The following TOX variants were observed in gnomAD, a reference collection of about 807,000 sequenced individuals.
TOX encodes the protein thymocyte selection associated high mobility group box.
A neutral mutation model predicts 53.7 loss-of-function variants in TOX; 11 were observed. The observed-to-expected ratio is 0.20, with a 90% CI of 0.13 to 0.34. The LOEUF is 0.34. TOX is among the 10% of genes least tolerant of loss of function. TOX has a pLI of 1.00. For synonymous variants in TOX, 225 were observed against 245.3 expected, an observed-to-expected ratio of 0.92 and a Z score of 0.77; for missense variants, 570 against 664.6, an observed-to-expected ratio of 0.86 and a Z score of 1.56.
chr8:58,987,861 T>G (rs1257704010), intron 1 of TOX, among the ~76,000 whole-genome samples: 2 of 152,188 alleles, frequency 1.3e-5, no homozygotes, highest in Admixed American at 6.5e-5. Flanking sequence ...CTCTGGGTGG[T>G]TCCCCACTCC....
intron 3 of TOX, among the ~76,000 whole-genome samples, chr8:58,902,029 T>G (rs941146741): frequency 3.3e-5 from 5 of 152,224 alleles, no homozygotes; most frequent in African/African-American, 4.8e-5. Context: ...ATTTCTGGTT[T>G]AATTTAAGCA....
Position 58,807,735 on chromosome 8 carries a change from G to T in TOX, c.*12C>A, listed in dbSNP as rs747657262. On this transcript the variant is annotated 3_prime_UTR_variant, in exon 9 of 9. Coordinates refer to ENST00000361421, the MANE Select transcript of TOX (RefSeq NM_014729.3). Reference sequence around the variant, plus strand: ...CTGAATTCCTCAGTGGAAAGAAGAGGTGTTCAGATTCTCAAGTAAGGTACA... The same window carrying T: ...CTGAATTCCTCAGTGGAAAGAAGAGTTGTTCAGATTCTCAAGTAAGGTACA... 1.2e-6 allele frequency: 2 copies of T among 1,614,056 alleles called. No individual in the cohort carries two copies. Among genetic ancestry groups the T allele is most frequent in the South Asian group, 2.2e-5 (2 of 91,076 alleles).
intron 3 of TOX, among the ~76,000 whole-genome samples, chr8:58,885,916 A>C (rs185732649): frequency 4.1e-4 from 62 of 152,250 alleles, no homozygotes; most frequent in African/African-American, 1.3e-3. Flanking sequence ...AATTCACAAC[A>C]ACAGGGGTTT....
intron 1 of TOX, among the ~76,000 whole-genome samples, chr8:59,075,714 G>A (rs995425228): frequency 5.3e-5 from 8 of 152,254 alleles, no homozygotes; most frequent in Admixed American, 4.6e-4. Context: ...CACAGTCATA[G>A]CTAAAACCTT....
In TOX at chr8:58,851,843, A is replaced by C; in HGVS notation, c.412-38T>G. On this transcript the variant is annotated intron_variant, in intron 3 of 8. Transcript: ENST00000361421. The surrounding 1 kb of genome is among the most constrained non-coding windows in gnomAD (Gnocchi z 4.4). ...AATAAATAAATAAATAAATAAATAA[A>C]TAAATAGGAAAGGAGTAATTTTAAC... The C allele has an allele frequency of 7.9e-7, 1 of 1,259,776 alleles. No homozygotes were observed. The highest frequency in any genetic ancestry group is 1.0e-6 in the Non-Finnish European group (1 of 989,642). The allele number at this position is 1,259,776 out of a possible 1,614,324, so 78.0% of individuals were successfully genotyped here. A position where few individuals can be genotyped will look rare whatever the true frequency, so the allele number is the denominator to read the frequency against.
At chr8:59,078,990 C>A (rs1804347394) in intron 1 of TOX, among the ~76,000 whole-genome samples, 1 of 152,146 alleles carries the variant, frequency 6.6e-6, no homozygotes, top group Non-Finnish European at 1.5e-5. Flanking sequence ...TTTTGTTCAT[C>A]CCCTAGGGAT....
At chr8:59,064,296 C>T (rs540666054) in intron 1 of TOX, among the ~76,000 whole-genome samples, 6 of 152,264 alleles carry the variant, frequency 3.9e-5, no homozygotes, top group South Asian at 2.1e-4. Context: ...CCTGGGTGAT[C>T]GTATAGTCCT....
chr8:58,867,129 T>C (rs2129169630), intron 3 of TOX, among the ~76,000 whole-genome samples: 1 of 152,298 alleles, frequency 6.6e-6, no homozygotes, highest in East Asian at 1.9e-4. Flanking sequence ...CTAATAGAAT[T>C]TTCCAGGAAC....
intron 1 of TOX, among the ~76,000 whole-genome samples, chr8:59,105,718 T>G (rs1428133660): frequency 6.6e-6 from 1 of 152,212 alleles, no homozygotes; most frequent in South Asian, 2.1e-4. Flanking sequence ...ATATTTAAAA[T>G]GACCCTGGTG....
At position 58,946,833 on chromosome 8, in the gene TOX, A is replaced by G. The variant is rs537014123; in HGVS notation, c.169-7289T>C. ...TCTGAGATACAAAGAACCGAAAGAC[A>G]CAGTTTGTGAAAAACATCAAAAGAT... On this transcript the variant is annotated intron_variant, in intron 2 of 8. Transcript: ENST00000361421. Among the ~76,000 whole-genome samples, 3 of 152,332 alleles carry G rather than the reference A, an allele frequency of 2.0e-5. No homozygotes were observed. In the South Asian group the frequency reaches 6.2e-4, roughly 32 times the overall value.
chr8:58,837,855 T>G (rs983156056), intron 5 of TOX, among the ~76,000 whole-genome samples: 1 of 152,216 alleles, frequency 6.6e-6, no homozygotes, highest in African/African-American at 2.4e-5. Flanking sequence ...CAAAAGTAAC[T>G]AAACTATATA....
chr8:59,069,288 A>C (rs1276159643), intron 1 of TOX, among the ~76,000 whole-genome samples: 5 of 152,188 alleles, frequency 3.3e-5, no homozygotes, highest in Admixed American at 6.5e-5. Flanking sequence ...AGCAATGAGG[A>C]TCCCTCCGTG....
intron 3 of TOX, among the ~76,000 whole-genome samples, chr8:58,906,961 C>T (rs1291522467): frequency 8.5e-5 from 13 of 152,196 alleles, no homozygotes; most frequent in Non-Finnish European, 1.5e-4. Flanking sequence ...TCATAAAATT[C>T]CTTCAGCCTG....
intron 1 of TOX, among the ~76,000 whole-genome samples, chr8:58,971,445 A>C (rs1813000794): frequency 6.6e-6 from 1 of 152,180 alleles, no homozygotes; most frequent in Admixed American, 6.5e-5. Context: ...CGAGAGTAAA[A>C]ATTGTTCTTG....
At position 58,857,808 on chromosome 8, in the gene TOX, C is replaced by T. The variant is rs73243078; in HGVS notation, c.412-6003G>A. Among the ~76,000 whole-genome samples, 867 of 152,068 alleles carry T rather than the reference C, an allele frequency of 5.7e-3. 11 individuals are homozygous for T. The highest frequency in any genetic ancestry group is 0.019 in the African/African-American group (791 of 41,464). On this transcript the variant is annotated intron_variant, in intron 3 of 8. Transcript: ENST00000361421. ...TCTTTGAGATGGACTCTTACTCTGTCGCACAGGCTACAGTGCATTTGCACG... is the reference window on the plus strand; with the variant it reads ...TCTTTGAGATGGACTCTTACTCTGTTGCACAGGCTACAGTGCATTTGCACG...
chr8:59,091,578 A>G lies in TOX; in HGVS notation c.102+27308T>C, dbSNP rs554949776. On this transcript the variant is annotated intron_variant, in intron 1 of 8. Transcript: ENST00000361421. ...TTAACTTCCTAAGCACAAAACTGTT[A>G]CCTCATCTGTAAAATGGGTTTCATA... Among the ~76,000 whole-genome samples, 6 of 152,218 alleles carry G rather than the reference A, an allele frequency of 3.9e-5. No homozygotes were observed. In the South Asian group the frequency reaches 1.2e-3, roughly 32 times the overall value.
rs190185790 is a variant in TOX at position 58,927,650 on chromosome 8, G to A, written c.411+11652C>T. Among the ~76,000 whole-genome samples, 14 of 152,306 alleles carry A rather than the reference G, an allele frequency of 9.2e-5. No homozygotes were observed. In the East Asian group the frequency reaches 9.6e-4, roughly 10 times the overall value. ...AGTTGATTGGTTGTTAGAACGTCCC[G>A]TGGTACACAGATACCAGTAATGAGA... On this transcript the variant is annotated intron_variant, in intron 3 of 8. Coordinates refer to ENST00000361421, the MANE Select transcript of TOX (RefSeq NM_014729.3).
chr8:58,923,106 T>C (rs2129174928), intron 3 of TOX, among the ~76,000 whole-genome samples: 1 of 152,234 alleles, frequency 6.6e-6, no homozygotes, highest in East Asian at 1.9e-4. Context: ...TTTTCTCCTT[T>C]TATCCTAGGT....
At chr8:59,037,404 C>G (rs1233563419) in intron 1 of TOX, among the ~76,000 whole-genome samples, 2 of 152,190 alleles carry the variant, frequency 1.3e-5, no homozygotes, top group Non-Finnish European at 2.9e-5. Flanking sequence ...TACTTACTCT[C>G]ATGTTCCTCC....
Sources: allele counts gnomAD v4.1 joint callset (sites outside exome capture counted in the v4.1 genomes callset), GRCh38; gene constraint gnomAD v4.1.1; non-coding constraint Gnocchi (gnomAD v3.1); transcripts MANE v1.5; gene names NCBI Gene and HGNC (gene_info 2026-07-23, HGNC 2026-07-21).